PRR16: variants seen among roughly 807,000 people sequenced by gnomAD.
PRR16 encodes the protein proline rich 16, also known as protein Largen.
Under a neutral mutation model 18.2 loss-of-function variants are expected in PRR16, and 6 were observed. That is an observed-to-expected ratio of 0.33 (90% CI 0.18 to 0.65). PRR16 has a LOEUF of 0.65. PRR16 is among the 30% of genes least tolerant of loss of function. PRR16 has a pLI of 0.74. For missense variants in PRR16, 412 were observed against 376.6 expected, an observed-to-expected ratio of 1.09 and a Z score of -0.78; for synonymous variants, 151 against 147.8, an observed-to-expected ratio of 1.02 and a Z score of -0.16.
intron 1 of PRR16, among the ~76,000 whole-genome samples, chr5:120,568,257 C>T (rs11241551): frequency 0.45 from 68,686 of 151,882 alleles, 16,060 homozygotes; most frequent in Middle Eastern, 0.54. Context: ...TAAAGGACTC[C>T]AGTCCCACTC....
the PRR16 span, among the ~76,000 whole-genome samples, chr5:120,746,686 A>T: frequency 6.6e-6 from 1 of 151,972 alleles, no homozygotes; most frequent in Admixed American, 6.6e-5. Context: ...TCTGGGTGCC[A>T]CTCTGACAGT....
chr5:120,591,411 A>G (rs1188790474), intron 1 of PRR16, among the ~76,000 whole-genome samples: 1 of 152,052 alleles, frequency 6.6e-6, no homozygotes, highest in African/African-American at 2.4e-5. Context: ...TTCATTTGTC[A>G]AAATCATTAT....
At chr5:120,652,474 C>T (rs566070077) in intron 1 of PRR16, among the ~76,000 whole-genome samples, 1 of 152,002 alleles carries the variant, frequency 6.6e-6, no homozygotes, top group South Asian at 2.1e-4. Context: ...AGTGGACCAG[C>T]TTAATATCAA....
downstream of PRR16, among the ~76,000 whole-genome samples, chr5:120,689,999 G>A (rs1243947822): frequency 1.3e-5 from 2 of 152,048 alleles, no homozygotes; most frequent in African/African-American, 4.8e-5. Context: ...CTGATTTGAC[G>A]TTATTATATC....
chr5:120,505,795 A>G (rs1750621820), intron 1 of PRR16, among the ~76,000 whole-genome samples: 1 of 151,970 alleles, frequency 6.6e-6, no homozygotes, highest in South Asian at 2.1e-4. Context: ...CTTTAAACTG[A>G]TATAGATATA....
intron 1 of PRR16, among the ~76,000 whole-genome samples, chr5:120,506,250 T>A (rs1036221005): frequency 2.6e-5 from 4 of 152,096 alleles, no homozygotes; most frequent in Middle Eastern, 3.2e-3. Flanking sequence ...TTAGGTATTC[T>A]TTATAACTTA....
chr5:120,737,254 C>T, the PRR16 span, among the ~76,000 whole-genome samples: 8 of 139,368 alleles, frequency 5.7e-5, no homozygotes, highest in South Asian at 1.9e-3. Context: ...GTGGCTTTTA[C>T]ATATATGGCT....
chr5:120,486,704 G>A (rs1246425402), intron 1 of PRR16, among the ~76,000 whole-genome samples: 1 of 152,118 alleles, frequency 6.6e-6, no homozygotes, highest in East Asian at 1.9e-4. Context: ...TGGTGTTTTA[G>A]ACATGAAGTC....
intron 1 of PRR16, among the ~76,000 whole-genome samples, chr5:120,508,417 C>G (rs1356495726): frequency 1.3e-5 from 2 of 152,070 alleles, no homozygotes; most frequent in African/African-American, 4.8e-5. Flanking sequence ...GTTACAATAA[C>G]TTAAAGGAGA....
At chr5:120,753,759 TA>T in the PRR16 span, among the ~76,000 whole-genome samples, 4 of 146,724 alleles carry the variant, frequency 2.7e-5, no homozygotes, top group Admixed American at 2.8e-4. Context: ...CAAATTTGAA[TA>T]AAAAAGTTCT....
At chr5:120,656,467 CAAAA>C (rs34228222) in intron 1 of PRR16, among the ~76,000 whole-genome samples, 83 of 93,470 alleles carry the variant, frequency 8.9e-4, no homozygotes, top group South Asian at 2.5e-3. Context: ...TAATCACTCT[CAAAA>C]AAAAAAAAAA....
intron 1 of PRR16, among the ~76,000 whole-genome samples, chr5:120,503,218 T>C (rs1453020018): frequency 6.6e-6 from 1 of 152,168 alleles, no homozygotes; most frequent in African/African-American, 2.4e-5. Flanking sequence ...CTCTAGGGCC[T>C]AAATTTCATA....
chr5:120,491,862 G>A lies in PRR16; in HGVS notation c.159+27217G>A, dbSNP rs555130560. On this transcript the variant is annotated intron_variant, in intron 1 of 1. Transcript: ENST00000407149. ...CCCAGCTGACATACACTTTTTCTTC[G>A]TTTTATTGATTTCATTTTTTAAAAC... 1.1e-3 allele frequency among the ~76,000 whole-genome samples: 168 copies of A among 151,980 alleles called. 5 individuals are homozygous for A. The South Asian group carries it at 0.033, about 30-fold the overall frequency.
the PRR16 span, among the ~76,000 whole-genome samples, chr5:120,694,729 G>A: frequency 6.6e-6 from 1 of 151,450 alleles, no homozygotes; most frequent in African/African-American, 2.4e-5. Context: ...CAAAAAGCAT[G>A]GTTTAATAAA....
chr5:120,754,499 T>A, the PRR16 span, among the ~76,000 whole-genome samples: 29,369 of 61,030 alleles, frequency 0.48, 8,052 homozygotes, highest in East Asian at 0.71. Context: ...AGTATGTATT[T>A]TATTATGTAT....
chr5:120,473,561 G>A (rs1208288330), intron 1 of PRR16, among the ~76,000 whole-genome samples: 1 of 152,106 alleles, frequency 6.6e-6, no homozygotes, highest in African/African-American at 2.4e-5. Flanking sequence ...CGTTTAGAAT[G>A]GTTCCTATGC....
At chr5:120,637,317 GAAAAAAAAAA>G (rs372136712) in intron 1 of PRR16, among the ~76,000 whole-genome samples, 5 of 62,638 alleles carry the variant, frequency 8.0e-5, no homozygotes, top group African/African-American at 2.0e-4. Flanking sequence ...CCATTATACG[GAAAAAAAAAA>G]AAAAAAAAAA....
At chr5:120,571,569 G>C (rs183940600) in intron 1 of PRR16, among the ~76,000 whole-genome samples, 1 of 152,074 alleles carries the variant, frequency 6.6e-6, no homozygotes, top group East Asian at 1.9e-4. Flanking sequence ...TTTTTAAAGG[G>C]TTACTCTGGA....
chr5:120,471,464 A>T (rs1242148459), intron 1 of PRR16, among the ~76,000 whole-genome samples: 3 of 152,138 alleles, frequency 2.0e-5, no homozygotes, highest in Non-Finnish European at 4.4e-5. Context: ...GAGGTTTGAC[A>T]GTTCTCTTGC....
Sources: allele counts gnomAD v4.1 joint callset (sites outside exome capture counted in the v4.1 genomes callset), GRCh38; gene constraint gnomAD v4.1.1; transcripts MANE v1.5; gene names NCBI Gene and HGNC (gene_info 2026-07-23, HGNC 2026-07-21).